UTRN: variants seen among roughly 807,000 people sequenced by gnomAD.
UTRN encodes the protein utrophin, also known as dystrophin-related protein 1.
In UTRN, 283 loss-of-function variants were observed where a neutral mutation model predicts 463.9. That is an observed-to-expected ratio of 0.61 (90% CI 0.55 to 0.67). UTRN has a LOEUF of 0.67. UTRN is among the 30% of genes least tolerant of loss of function. The probability of loss-of-function intolerance (pLI) is 0.00; values close to 1 mark genes in which losing one functional copy is unlikely to be tolerated. For synonymous variants in UTRN, 1,442 were observed against 1,431.5 expected, an observed-to-expected ratio of 1.01 and a Z score of -0.17; for missense variants, 3,922 against 4,084.3, an observed-to-expected ratio of 0.96 and a Z score of 1.08.
chr6:144,840,135 C>A (rs1781437748), intron 72 of UTRN, among the ~76,000 whole-genome samples: 1 of 151,882 alleles, frequency 6.6e-6, no homozygotes, highest in Non-Finnish European at 1.5e-5. Context: ...TTGCAGTGAG[C>A]CGAGATCGCA....
Position 144,437,709 on chromosome 6 carries a change from G to T in UTRN, c.1204G>T (p.Glu402Ter), listed in dbSNP as rs752430162. Residue 402 changes from glutamate (E) to a stop codon, truncating the protein, a stop_gained, in exon 11 of 75, where the codon GAG becomes TAG. Transcript: ENST00000367545. LOFTEE classifies it high-confidence loss of function. ...EQMTLLNARW[E>*]ALRVESMDRQ... ...GATGACCCTGCTGAATGCTAGATGGGAGGCTCTTAGGGTGGAGAGTATGGA... is the reference window on the plus strand; with the variant it reads ...GATGACCCTGCTGAATGCTAGATGGTAGGCTCTTAGGGTGGAGAGTATGGA... 1 of 1,613,970 alleles carries T rather than the reference G, an allele frequency of 6.2e-7. No individual in the cohort carries two copies.
intron 1 of UTRN, among the ~76,000 whole-genome samples, chr6:144,289,514 G>C (rs1804019747): frequency 6.6e-6 from 1 of 151,936 alleles, no homozygotes; most frequent in Non-Finnish European, 1.5e-5. Flanking sequence ...TAGAGACAAG[G>C]TCTCACCATG....
chr6:144,327,139 G>A (rs1341106408), intron 2 of UTRN, among the ~76,000 whole-genome samples: 2 of 152,132 alleles, frequency 1.3e-5, no homozygotes, highest in African/African-American at 2.4e-5. Context: ...AGATCAGGCC[G>A]ACCTTGGCTT....
At chr6:144,315,046 C>G (rs1277007579) in intron 2 of UTRN, among the ~76,000 whole-genome samples, 2 of 152,052 alleles carry the variant, frequency 1.3e-5, no homozygotes, top group African/African-American at 4.8e-5. Flanking sequence ...GAGATGATCT[C>G]CTTTGCAAAC....
At chr6:144,344,146 G>A (rs573758945) in intron 2 of UTRN, 7 of 1,280,960 alleles carry the variant, frequency 5.5e-6, no homozygotes, top group East Asian at 5.7e-5. Context: ...TGTGCAGTTC[G>A]AAGGCTGCTT....
chr6:144,530,770 G>A (rs1200910672), intron 41 of UTRN, among the ~76,000 whole-genome samples: 1 of 151,988 alleles, frequency 6.6e-6, no homozygotes, highest in African/African-American at 2.4e-5. Flanking sequence ...GAGTGTGCAT[G>A]TGTGTATACG....
rs530035178 is a variant in UTRN, at chr6:144,771,494, C to T, written c.8496-413C>T. On this transcript the variant is annotated intron_variant, in intron 58 of 74. Coordinates refer to ENST00000367545, the MANE Select transcript of UTRN (RefSeq NM_007124.3). ...AGGCTACAGTGCAGTGAAACGATCT[C>T]GGCTCACTGCAACCTCCACCTCCCA... Among the ~76,000 whole-genome samples, 86 of 152,142 alleles carry T rather than the reference C, an allele frequency of 5.7e-4. 1 individual carries two copies. The highest frequency in any genetic ancestry group is 3.5e-3 in the Admixed American group (54 of 15,286).
intron 49 of UTRN, among the ~76,000 whole-genome samples, chr6:144,556,292 G>A (rs1442901512): frequency 1.3e-5 from 2 of 152,154 alleles, no homozygotes; most frequent in African/African-American, 4.8e-5. Flanking sequence ...AAAAGCAAGT[G>A]GCCAGTTATA....
chr6:144,391,831 C>T (rs1781958614), intron 2 of UTRN, among the ~76,000 whole-genome samples: 1 of 152,192 alleles, frequency 6.6e-6, no homozygotes, highest in African/African-American at 2.4e-5. Flanking sequence ...TACAAAAATA[C>T]AGGGTTTCAC....
chr6:144,529,173 C>G (rs748659185), intron 41 of UTRN, among the ~76,000 whole-genome samples: 41 of 152,230 alleles, frequency 2.7e-4, no homozygotes, highest in Non-Finnish European at 5.0e-4. Context: ...CCGCCACCCC[C>G]ACACCCCCAC....
At chr6:144,770,034 A>G (rs1243295181) in intron 58 of UTRN, among the ~76,000 whole-genome samples, 1 of 152,172 alleles carries the variant, frequency 6.6e-6, no homozygotes, top group Admixed American at 6.5e-5. Context: ...ACTACCATCA[A>G]ACCGAAAGGG....
chr6:144,597,038 A>T (rs559379356), intron 51 of UTRN, among the ~76,000 whole-genome samples: 72 of 152,312 alleles, frequency 4.7e-4, no homozygotes, highest in Admixed American at 4.4e-3. Flanking sequence ...GGAGATTGAG[A>T]CTATCCTGGC....
At chr6:144,515,821 T>C (rs1237519060) in intron 37 of UTRN, among the ~76,000 whole-genome samples, 1 of 152,238 alleles carries the variant, frequency 6.6e-6, no homozygotes, top group Non-Finnish European at 1.5e-5. Flanking sequence ...GGAATTCTAC[T>C]GAGGAAACTT....
chr6:144,651,500 T>G (rs1330454435), intron 51 of UTRN, among the ~76,000 whole-genome samples: 2 of 152,228 alleles, frequency 1.3e-5, no homozygotes, highest in East Asian at 3.8e-4. Context: ...GAGAGTGTTA[T>G]TCTTTCTTTT....
At chr6:144,840,330 G>T (rs1781457431) in intron 72 of UTRN, among the ~76,000 whole-genome samples, 1 of 151,948 alleles carries the variant, frequency 6.6e-6, no homozygotes, top group South Asian at 2.1e-4. Context: ...GGATAAGCTG[G>T]CCTAAGCTGA....
At chr6:144,490,768 C>T (rs1017275036) in intron 31 of UTRN, among the ~76,000 whole-genome samples, 161 bp from the exon 32 acceptor site, 1 of 152,154 alleles carries the variant, frequency 6.6e-6, no homozygotes, top group African/African-American at 2.4e-5. Context: ...TGATCGGGTA[C>T]CCTCACTGAG....
chr6:144,542,768 C>G (rs762423089), intron 45 of UTRN, 27 bp from the exon 46 acceptor site: 1 of 1,603,538 alleles, frequency 6.2e-7, no homozygotes, highest in Non-Finnish European at 8.5e-7. Flanking sequence ...TAGTATTCTT[C>G]TCTTTCTGTT....
chr6:144,405,163 T>TACCAAAC (rs1783273705), intron 3 of UTRN, among the ~76,000 whole-genome samples: 1 of 152,214 alleles, frequency 6.6e-6, no homozygotes. Context: ...GGAGAAAAAC[T>TACCAAAC]ACCAAACGTG....
chr6:144,319,940 G>A (rs902890538), intron 2 of UTRN, among the ~76,000 whole-genome samples: 2 of 151,258 alleles, frequency 1.3e-5, no homozygotes, highest in Non-Finnish European at 2.9e-5. Context: ...CGCAATGTCC[G>A]CCTCCTAGGT....
Sources: gnomAD v4.1 joint callset for allele counts (sites outside exome capture counted in the v4.1 genomes callset) on GRCh38, gnomAD v4.1.1 for gene constraint, MANE v1.5 for transcripts, NCBI Gene and HGNC (gene_info 2026-07-23, HGNC 2026-07-21) for gene names.